The following FAM186B variants were observed in gnomAD, a reference collection of about 807,000 sequenced individuals.
FAM186B encodes family with sequence similarity 186 member B, also known as protein FAM186B.
FAM186B carries 68 observed loss-of-function variants against 83.4 expected under a neutral mutation model. The observed-to-expected ratio is 0.81, with a 90% confidence interval of 0.67 to 1.00. The LOEUF is 1.00. Among genes scored for constraint, FAM186B ranks in the 50% least tolerant of loss-of-function variants. The probability of loss-of-function intolerance (pLI) is 0.00; values close to 1 mark genes in which losing one functional copy is unlikely to be tolerated. For missense variants in FAM186B, 983 were observed against 1,099.2 expected (o/e 0.89, Z 1.49); for synonymous variants, 389 against 422.0 (o/e 0.92, Z 0.96).
chr12:49,604,462 T>C lies in FAM186B; in HGVS notation c.173A>G (p.Tyr58Cys), dbSNP rs760465815. The C allele has an allele frequency of 6.2e-5, 100 of 1,614,146 alleles. No individual in the cohort carries two copies. Among genetic ancestry groups the C allele is most frequent in the Non-Finnish European group, 8.2e-5 (97 of 1,180,046 alleles). The change falls in exon 2 of 7, where the codon TAT (tyrosine) becomes TGT (cysteine). Residue 58 changes from tyrosine to cysteine, a missense_variant. Tyr to Cys is a radical substitution (Grantham distance 194). Coordinates refer to ENST00000257894, the MANE Select transcript of FAM186B (RefSeq NM_032130.3). ...AGATTTGGCATTTTCTTTTAAATCA[T>C]ATCCTAATTCTTCCTGGAAGCGGTT... Reference protein sequence around the residue: ...VINRFQEELGYDLKENAKSQQ... With the variant: ...VINRFQEELGCDLKENAKSQQ...
At chr12:49,594,085 C>T (rs1939654380) in intron 5 of FAM186B, 1 of 219,412 alleles carries the variant, frequency 4.6e-6, no homozygotes, top group Non-Finnish European at 1.0e-5. Flanking sequence ...AAAAGGGGCT[C>T]ACAATGACAC....
chr12:49,603,364 T>G lies in FAM186B; in HGVS notation c.326A>C (p.Asp109Ala), dbSNP rs1377067385. The part of the protein sequence containing the change: ...DILRWLGDWG[D>A]TLTYEIGPRK... ...GGGCCCAATCTCATAGGTCAGAGTG[T>G]CACCTGGAGAAGGGATGGGAGGTGC... Residue 109 changes from aspartate (D) to alanine (A), a missense_variant, in exon 3 of 7, where the codon GAC becomes GCC. Physicochemically the swap from Asp to Ala is moderately radical, Grantham distance 126 (BLOSUM62 -2). Transcript: ENST00000257894. 6.2e-7 allele frequency: 1 copy of G among 1,613,960 alleles called. No homozygotes were observed. Among genetic ancestry groups the G allele is most frequent in the African/African-American group, 1.3e-5 (1 of 74,884 alleles).
chr12:49,607,766 C>A (rs1940050850), upstream of FAM186B, among the ~76,000 whole-genome samples: 1 of 152,122 alleles, frequency 6.6e-6, no homozygotes, highest in African/African-American at 2.4e-5. Context: ...GTGGCGTGAT[C>A]TCGGCTCACT....
the FAM186B span, among the ~76,000 whole-genome samples, chr12:49,616,424 A>G: frequency 1.3e-5 from 2 of 152,266 alleles, no homozygotes; most frequent in Admixed American, 6.5e-5. Context: ...CCACACATAA[A>G]TCTATACAGA....
At chr12:49,584,756 C>T (rs1939404900), downstream of FAM186B, 3 of 618,538 alleles carry the variant, frequency 4.9e-6, no homozygotes, top group Non-Finnish European at 8.7e-6. Flanking sequence ...AACTGCTCAA[C>T]ACAACGTCCT....
chr12:49,583,402 T>C (rs1939376466), downstream of FAM186B: 1 of 240,514 alleles, frequency 4.2e-6, no homozygotes, highest in Non-Finnish European at 8.4e-6. Flanking sequence ...GCGATACATT[T>C]AGTGTGAGGG....
At chr12:49,606,836 G>A (rs979950202), upstream of FAM186B, among the ~76,000 whole-genome samples, 7 of 152,158 alleles carry the variant, frequency 4.6e-5, no homozygotes, top group Admixed American at 3.3e-4. Flanking sequence ...TATTCCCTAC[G>A]CATATGGAAC....
chr12:49,593,779 C>T (rs550073302), intron 5 of FAM186B, among the ~76,000 whole-genome samples: 1 of 152,160 alleles, frequency 6.6e-6, no homozygotes, highest in South Asian at 2.1e-4. Context: ...TGGAGACCAG[C>T]CTGGACAACA....
chr12:49,600,271 A>C lies in FAM186B; in HGVS notation c.1369T>G (p.Phe457Val), dbSNP rs148848955. Residue 457 changes from phenylalanine (F) to valine (V), a missense_variant, in exon 4 of 7, where the codon TTC (phenylalanine) becomes GTC (valine). Coordinates refer to ENST00000257894, the MANE Select transcript of FAM186B (RefSeq NM_032130.3). This position sits in a 1 kb window ranked among gnomAD's most constrained non-coding sequence, Gnocchi z 4.3. ...YFQKGGLQIKFHCSKQLSLES... is the reference protein window; with the variant it reads ...YFQKGGLQIKVHCSKQLSLES... ...AGAGACAGCTGCTTGCTACAGTGGA[A>C]CTTAATTTGGAGTCCTCCCTTCTGG... The C allele has an allele frequency of 2.1e-3, 3,350 of 1,614,068 alleles. 33 individuals carry two copies. Among genetic ancestry groups the C allele is most frequent in the South Asian group, 0.012 (1,095 of 91,070 alleles).
At chr12:49,621,781 G>C in the FAM186B span, among the ~76,000 whole-genome samples, 1 of 152,214 alleles carries the variant, frequency 6.6e-6, no homozygotes, top group Admixed American at 6.5e-5. Flanking sequence ...GTCTAATCCT[G>C]GGCAAGTGTG....
intron 5 of FAM186B, among the ~76,000 whole-genome samples, chr12:49,598,108 A>T (rs566757203): frequency 2.6e-5 from 4 of 152,372 alleles, no homozygotes; most frequent in African/African-American, 9.6e-5. Flanking sequence ...ATTCTAAGCT[A>T]GACTTCCACA....
intron 5 of FAM186B, among the ~76,000 whole-genome samples, chr12:49,590,278 T>A (rs2138248708): frequency 6.6e-6 from 1 of 152,196 alleles, no homozygotes; most frequent in African/African-American, 2.4e-5. Context: ...CAAAGACTGT[T>A]TTGGAGTTTA....
chr12:49,586,819 C>T (rs1371338115), downstream of FAM186B, among the ~76,000 whole-genome samples: 10 of 152,178 alleles, frequency 6.6e-5, no homozygotes, highest in African/African-American at 2.4e-4. Context: ...AGCGCAGGTG[C>T]GGCCAGGGAT....
At chr12:49,603,151 C>G (rs752333532) in intron 3 of FAM186B, 34 bp downstream of exon 3, 9 of 1,613,132 alleles carry the variant, frequency 5.6e-6, no homozygotes, top group Non-Finnish European at 7.6e-6. Flanking sequence ...CCCGTCCCCA[C>G]CTAGCTCCCT....
rs1345987432 is a variant in FAM186B at position 49,598,931 on chromosome 12, G to T, written c.2188C>A (p.His730Asn). Residue 730 changes from histidine to asparagine, a missense_variant, in exon 5 of 7, where the codon CAT becomes AAT. Physicochemically the swap from His to Asn is moderately conservative, Grantham distance 68. Transcript: ENST00000257894. ...LQSLRQEAIN[H>N]VQIMKETEAS... Reference sequence around the variant, plus strand: ...TCCGTTTCTTTCATGATTTGTACATGGTTGATCGCTTCTTGCCTGGGAAAA... The same window carrying T: ...TCCGTTTCTTTCATGATTTGTACATTGTTGATCGCTTCTTGCCTGGGAAAA... 1.9e-6 allele frequency: 3 copies of T among 1,613,844 alleles called. No individual in the cohort carries two copies. In the Admixed American group the frequency reaches 5.0e-5, roughly 27 times the overall value.
chr12:49,604,944 C>T (rs963504510), intron 1 of FAM186B, among the ~76,000 whole-genome samples: 2 of 152,160 alleles, frequency 1.3e-5, no homozygotes, highest in African/African-American at 4.8e-5. Context: ...ACTCTAGGAT[C>T]AGAGGCTCAA....
chr12:49,586,643 T>G (rs747574378), downstream of FAM186B, among the ~76,000 whole-genome samples: 3 of 152,200 alleles, frequency 2.0e-5, no homozygotes, highest in Admixed American at 6.5e-5. Context: ...TCTCCCACAG[T>G]GTTGTTTTGG....
chr12:49,585,083 A>G (rs554379438), downstream of FAM186B, among the ~76,000 whole-genome samples: 11 of 152,114 alleles, frequency 7.2e-5, no homozygotes, highest in South Asian at 1.9e-3. Context: ...CAGTGGCGCA[A>G]TCTTGGCTCA....
intron 5 of FAM186B, among the ~76,000 whole-genome samples, chr12:49,592,223 C>T (rs1029409435): frequency 3.9e-5 from 6 of 152,226 alleles, no homozygotes; most frequent in Non-Finnish European, 2.9e-5. Flanking sequence ...CCTGTAATCC[C>T]AGCACTTTGG....
Sources: allele counts gnomAD v4.1 joint callset (sites outside exome capture counted in the v4.1 genomes callset), GRCh38; gene constraint gnomAD v4.1.1; non-coding constraint Gnocchi (gnomAD v3.1); transcripts MANE v1.5; gene names NCBI Gene and HGNC (gene_info 2026-07-23, HGNC 2026-07-21).